CCDC148: variants seen among roughly 807,000 people sequenced by gnomAD.
CCDC148 encodes the protein coiled-coil domain-containing protein 148.
A neutral mutation model predicts 85.7 loss-of-function variants in CCDC148; 89 were observed. That is an observed-to-expected ratio of 1.04 (90% CI 0.87 to 1.24). The LOEUF (loss-of-function observed/expected upper bound fraction) is 1.24. Ranked by LOEUF, CCDC148 falls within the 50% of genes most tolerant of loss-of-function variation. The probability of loss-of-function intolerance (pLI) is 0.00; values close to 1 mark genes in which losing one functional copy is unlikely to be tolerated. For missense variants in CCDC148, 692 were observed against 671.7 expected (o/e 1.03, Z -0.33); for synonymous variants, 230 against 213.9 (o/e 1.08, Z -0.66).
chr2:158,456,665 A>AC lies in CCDC148; in HGVS notation c.-227dup, dbSNP rs956340514. ...GGGGAATCTCCCTGTCCTCTCCGCC[A>AC]CCCCCTCCCGCGCCCGAGACCTGAG... On this transcript the variant is annotated 5_prime_UTR_variant, in exon 1 of 14. The change abolishes the stop of an existing upstream ORF in the 5' untranslated region. Coordinates refer to ENST00000283233, the MANE Select transcript of CCDC148 (RefSeq NM_138803.4). The AC allele has an allele frequency of 1.2e-5, 7 of 579,704 alleles. No individual in the cohort carries two copies. The highest frequency in any genetic ancestry group is 5.7e-5 in the African/African-American group (3 of 53,012). 35.9% of individuals were successfully genotyped at this position (579,704 alleles called of 1,614,324 possible). A position where few individuals can be genotyped will look rare whatever the true frequency, so the allele number is the denominator to read the frequency against.
intron 7 of CCDC148, among the ~76,000 whole-genome samples, chr2:158,315,570 A>G (rs1412604756): frequency 6.6e-6 from 1 of 152,116 alleles, no homozygotes; most frequent in Non-Finnish European, 1.5e-5. Context: ...GGGAAGCAAT[A>G]GAAGCTAGGT....
Position 158,428,208 on chromosome 2 carries a change from T to G in CCDC148, c.25+28207A>C, listed in dbSNP as rs139291980. 9.1e-4 allele frequency among the ~76,000 whole-genome samples: 139 copies of G among 152,256 alleles called. 1 individual carries two copies. The East Asian group carries it at 0.024, about 27-fold the overall frequency. ...AGTAGATCAGATGAAAGATGATATG[T>G]AGCTTAAACTAATTCAGTGGCAATG... On this transcript the variant is annotated intron_variant, in intron 1 of 13. Transcript: ENST00000283233.
At position 158,237,577 on chromosome 2, in the gene CCDC148, C is replaced by T. The variant is rs574049475; in HGVS notation, c.1251+13195G>A. ...CCTGAGTGCTAGCAGACTAGATTTC[C>T]ATTTACTGAAAAAAGAAAAACTAGG... On this transcript the variant is annotated intron_variant, in intron 10 of 13. Coordinates refer to ENST00000283233, the MANE Select transcript of CCDC148 (RefSeq NM_138803.4). Among the ~76,000 whole-genome samples the T allele has an allele frequency of 2.0e-5, 3 of 152,114 alleles. No individual in the cohort carries two copies. The South Asian group carries it at 6.2e-4, about 32-fold the overall frequency.
chr2:158,248,684 A>G (rs1402867), intron 10 of CCDC148, among the ~76,000 whole-genome samples: 65,384 of 151,874 alleles, frequency 0.43, 14,300 homozygotes, highest in East Asian at 0.68. Context: ...AGGCATGGAG[A>G]TTTTCATGTT....
chr2:158,239,642 TAACAA>T (rs1688265651), intron 10 of CCDC148, among the ~76,000 whole-genome samples: 1 of 152,140 alleles, frequency 6.6e-6, no homozygotes, highest in African/African-American at 2.4e-5. Context: ...TAAGTTTTAA[TAACAA>T]AACAAGGAAC....
At chr2:158,291,105 T>C (rs1690873131) in intron 9 of CCDC148, among the ~76,000 whole-genome samples, 1 of 152,034 alleles carries the variant, frequency 6.6e-6, no homozygotes, top group Non-Finnish European at 1.5e-5. Context: ...GCTATGAGAC[T>C]GATCCTCTTT....
At chr2:158,335,926 G>T (rs547636624) in intron 7 of CCDC148, among the ~76,000 whole-genome samples, 1 of 152,166 alleles carries the variant, frequency 6.6e-6, no homozygotes, top group East Asian at 1.9e-4. Context: ...AAACCAGCGA[G>T]CTACTATAAA....
At chr2:158,215,949 A>AGG (rs1686829585) in intron 11 of CCDC148, among the ~76,000 whole-genome samples, 1 of 152,222 alleles carries the variant, frequency 6.6e-6, no homozygotes, top group Non-Finnish European at 1.5e-5. Context: ...GAGACCCCTC[A>AGG]CCAGAACCTG....
intron 11 of CCDC148, among the ~76,000 whole-genome samples, chr2:158,209,838 G>T (rs898273062): frequency 3.9e-5 from 6 of 151,966 alleles, no homozygotes; most frequent in African/African-American, 1.5e-4. Context: ...AGAAAAAACC[G>T]GTACCAGCCA....
intron 10 of CCDC148, among the ~76,000 whole-genome samples, chr2:158,228,271 C>T (rs1687661352): frequency 6.6e-6 from 1 of 152,148 alleles, no homozygotes; most frequent in Admixed American, 6.5e-5. Flanking sequence ...CCATCTCACA[C>T]CAGTTAGAAT....
At chr2:158,326,525 G>A (rs535078673) in intron 7 of CCDC148, among the ~76,000 whole-genome samples, 3 of 152,110 alleles carry the variant, frequency 2.0e-5, no homozygotes, top group Non-Finnish European at 4.4e-5. Flanking sequence ...AAAATACGAA[G>A]GATAAGTCAG....
chr2:158,357,327 G>A (rs1683711351), intron 2 of CCDC148, among the ~76,000 whole-genome samples: 1 of 151,804 alleles, frequency 6.6e-6, no homozygotes, highest in South Asian at 2.1e-4. Flanking sequence ...GCTGACTATT[G>A]TATCTTCAAG....
intron 2 of CCDC148, among the ~76,000 whole-genome samples, chr2:158,353,599 G>A (rs1683448267): frequency 6.6e-6 from 1 of 151,950 alleles, no homozygotes; most frequent in African/African-American, 2.4e-5. Flanking sequence ...GACCTACAAA[G>A]AGACTTAGAC....
intron 10 of CCDC148, among the ~76,000 whole-genome samples, chr2:158,226,531 A>G (rs1687537769): frequency 6.6e-6 from 1 of 152,228 alleles, no homozygotes; most frequent in Admixed American, 6.5e-5. Flanking sequence ...AATATCCCTG[A>G]TGAACATCGA....
intron 7 of CCDC148, among the ~76,000 whole-genome samples, chr2:158,319,037 A>G (rs1179573601): frequency 6.6e-6 from 1 of 152,166 alleles, no homozygotes; most frequent in African/African-American, 2.4e-5. Context: ...AAGTGCTGGA[A>G]TTACAGGCAT....
chr2:158,437,777 A>C, intron 1 of CCDC148, among the ~76,000 whole-genome samples: 1 of 152,254 alleles, frequency 6.6e-6, no homozygotes, highest in East Asian at 1.9e-4. Context: ...AACTTCAGCA[A>C]AGTCTCAGGA....
At chr2:158,363,292 G>A (rs977885542) in intron 1 of CCDC148, among the ~76,000 whole-genome samples, 1 of 152,116 alleles carries the variant, frequency 6.6e-6, no homozygotes, top group Non-Finnish European at 1.5e-5. Context: ...GAAAAAGAGG[G>A]AATCCTCCCT....
intron 12 of CCDC148, 162 bp from the exon 13 acceptor site, chr2:158,176,823 C>A: frequency 1.5e-6 from 1 of 677,368 alleles, no homozygotes; most frequent in Non-Finnish European, 2.4e-6. Context: ...CCTAGAGATC[C>A]ACAAAGGAGT....
chr2:158,322,506 A>G (rs2105222055), intron 7 of CCDC148, among the ~76,000 whole-genome samples: 1 of 152,190 alleles, frequency 6.6e-6, no homozygotes, highest in East Asian at 1.9e-4. Context: ...ATAAAATGTT[A>G]CCAAAGGATA....
Sources: gnomAD v4.1 joint callset for allele counts (sites outside exome capture counted in the v4.1 genomes callset) on GRCh38, gnomAD v4.1.1 for gene constraint, MANE v1.5 for transcripts, NCBI Gene and HGNC (gene_info 2026-07-23, HGNC 2026-07-21) for gene names.